CDH18: variants seen among roughly 807,000 people sequenced by gnomAD.
The protein encoded by CDH18 is cadherin-18.
In CDH18, 31 loss-of-function variants were observed where a neutral mutation model predicts 67.9. That is an observed-to-expected ratio of 0.46 (90% CI 0.34 to 0.62). The LOEUF (loss-of-function observed/expected upper bound fraction) is 0.62, where lower values mean the gene tolerates loss of function less well. Ranked by LOEUF, CDH18 falls within the 20% of genes least tolerant of loss-of-function variation. The pLI is 0.01. For missense variants in CDH18, 890 were observed against 975.5 expected (o/e 0.91, Z 1.17); for synonymous variants, 362 against 347.2 (o/e 1.04, Z -0.48).
intron 3 of CDH18, among the ~76,000 whole-genome samples, chr5:19,748,737 T>C (rs1444663651): frequency 1.3e-5 from 2 of 152,104 alleles, no homozygotes; most frequent in African/African-American, 2.4e-5. Flanking sequence ...AGAAGACATT[T>C]GGAAAACACA....
chr5:20,123,918 C>A (rs767037285), intron 2 of CDH18, among the ~76,000 whole-genome samples: 1 of 150,386 alleles, frequency 6.6e-6, no homozygotes, highest in African/African-American at 2.4e-5. Context: ...AATTTACAGG[C>A]CAAAAGTGAA....
chr5:20,562,175 A>T (rs574912024), intron 1 of CDH18, among the ~76,000 whole-genome samples: 1 of 152,050 alleles, frequency 6.6e-6, no homozygotes, highest in Admixed American at 6.6e-5. Flanking sequence ...AAAGGGTAAG[A>T]TAATTTAGTG....
chr5:19,511,612 G>A (rs1000562219), intron 10 of CDH18, among the ~76,000 whole-genome samples: 3 of 152,136 alleles, frequency 2.0e-5, no homozygotes, highest in African/African-American at 7.2e-5. Flanking sequence ...CAAAGAGACT[G>A]GTGGCATTTT....
At chr5:19,943,690 T>TA (rs942520553) in intron 2 of CDH18, among the ~76,000 whole-genome samples, 3 of 151,956 alleles carry the variant, frequency 2.0e-5, no homozygotes, top group Non-Finnish European at 4.4e-5. Context: ...AATGAATAAT[T>TA]AAAAAAACAC....
At chr5:20,333,126 G>A (rs1739338552) in intron 1 of CDH18, among the ~76,000 whole-genome samples, 1 of 152,030 alleles carries the variant, frequency 6.6e-6, no homozygotes, top group Non-Finnish European at 1.5e-5. Context: ...TAATAGATAT[G>A]AGAATTTATC....
chr5:19,698,865 GA>G (rs1470386005), intron 5 of CDH18, among the ~76,000 whole-genome samples: 1 of 152,016 alleles, frequency 6.6e-6, no homozygotes, highest in Admixed American at 6.6e-5. Flanking sequence ...TTCAAAGTTT[GA>G]GTAGCAACTG....
chr5:20,355,405 T>C (rs756561210), intron 1 of CDH18, among the ~76,000 whole-genome samples: 22 of 152,356 alleles, frequency 1.4e-4, no homozygotes, highest in Middle Eastern at 3.4e-3. Context: ...ATTTCACATA[T>C]GAATTAAACA....
In CDH18 at chr5:20,048,250, G is replaced by A. The variant is rs4587078; in HGVS notation, c.-517-56236C>T. ...TACATTAGGTGCTGAAGAAGGAACC[G>A]GTCAAATGAATTAATGCTTTATTTC... On this transcript the variant is annotated intron_variant, in intron 2 of 14. Transcript: ENST00000507958. Among the ~76,000 whole-genome samples the A allele has an allele frequency of 0.023, 3,434 of 151,432 alleles. 232 individuals carry two copies. In the East Asian group the frequency reaches 0.28, roughly 12 times the overall value.
chr5:19,760,795 C>T (rs114526028), intron 3 of CDH18, among the ~76,000 whole-genome samples: 1,750 of 152,224 alleles, frequency 0.011, 17 homozygotes, highest in Non-Finnish European at 0.019. Context: ...GGGGGTGGCT[C>T]CTGAGGATGA....
intron 5 of CDH18, among the ~76,000 whole-genome samples, chr5:19,682,497 C>T (rs1242919764): frequency 1.3e-5 from 2 of 152,088 alleles, no homozygotes; most frequent in East Asian, 3.9e-4. Context: ...ATCCTTTTCC[C>T]ATTGCTGAGT....
At chr5:19,903,051 A>G (rs977036725) in intron 2 of CDH18, among the ~76,000 whole-genome samples, 41 of 152,000 alleles carry the variant, frequency 2.7e-4, no homozygotes, top group African/African-American at 8.7e-4. Flanking sequence ...TAATTATTCT[A>G]TATCTCTATA....
chr5:19,632,446 C>T (rs1253047562), intron 5 of CDH18, among the ~76,000 whole-genome samples: 1 of 152,122 alleles, frequency 6.6e-6, no homozygotes, highest in Non-Finnish European at 1.5e-5. Flanking sequence ...ACTTTCTTAC[C>T]CAAATGTACA....
chr5:20,079,129 C>A (rs74451077), intron 2 of CDH18, among the ~76,000 whole-genome samples: 5,083 of 152,106 alleles, frequency 0.033, 272 homozygotes, highest in East Asian at 0.27. Flanking sequence ...TAACTATAGT[C>A]ACCACGCCAT....
At chr5:20,270,191 G>T (rs557073224) in intron 1 of CDH18, among the ~76,000 whole-genome samples, 6 of 152,134 alleles carry the variant, frequency 3.9e-5, no homozygotes, top group Non-Finnish European at 7.4e-5. Flanking sequence ...AAATCACCTA[G>T]TTGCAATGTG....
intron 4 of CDH18, among the ~76,000 whole-genome samples, chr5:19,745,833 C>T (rs1278511835): frequency 6.6e-6 from 1 of 152,026 alleles, no homozygotes. Flanking sequence ...GAGCTACCTG[C>T]CTAGCTCAAG....
intron 3 of CDH18, among the ~76,000 whole-genome samples, chr5:19,747,718 C>T (rs1581173447): frequency 6.6e-6 from 1 of 150,978 alleles, no homozygotes; most frequent in Admixed American, 6.6e-5. Context: ...AAAAGAGGCA[C>T]ATATTTAAGT....
chr5:19,645,355 C>A (rs553595140), intron 5 of CDH18, among the ~76,000 whole-genome samples: 2 of 152,244 alleles, frequency 1.3e-5, no homozygotes, highest in South Asian at 2.1e-4. Flanking sequence ...AAGCAAACTG[C>A]AAAGCTAGAG....
In CDH18 at chr5:20,476,571, C is replaced by T. The variant is rs536783939; in HGVS notation, c.-580+98891G>A. On this transcript the variant is annotated intron_variant, in intron 1 of 14. Transcript: ENST00000507958. ...CCTAATTCAATAATTATACCTGTTA[C>T]GTGCACTTTATATTATTTTTAGACA... Among the ~76,000 whole-genome samples the T allele has an allele frequency of 2.4e-3, 368 of 152,188 alleles. 2 individuals carry two copies. The highest frequency in any genetic ancestry group is 8.6e-3 in the African/African-American group (356 of 41,566).
chr5:19,541,547 T>C (rs1176427622), intron 9 of CDH18, among the ~76,000 whole-genome samples: 1 of 152,206 alleles, frequency 6.6e-6, no homozygotes, highest in Non-Finnish European at 1.5e-5. Context: ...GAAAAAGGTT[T>C]AATGGACTTA....
Sources: gnomAD v4.1 joint callset for allele counts (sites outside exome capture counted in the v4.1 genomes callset) on GRCh38, gnomAD v4.1.1 for gene constraint, MANE v1.5 for transcripts, NCBI Gene and HGNC (gene_info 2026-07-23, HGNC 2026-07-21) for gene names.